Variants in ENOX2 observed in about 807,000 individuals in gnomAD.
ENOX2 encodes ecto-NOX disulfide-thiol exchanger 2.
A neutral mutation model predicts 45.0 loss-of-function variants in ENOX2; 36 were observed. The observed-to-expected ratio is 0.80, with a 90% CI of 0.61 to 1.06. ENOX2 has a LOEUF of 1.06. Among genes scored for constraint, ENOX2 ranks in the 50% least tolerant of loss-of-function variants. ENOX2 has a pLI of 0.00. For synonymous variants in ENOX2, 174 were observed against 152.3 expected (o/e 1.14, Z -1.05); for missense variants, 423 against 462.5 (o/e 0.91, Z 0.78).
At chrX:130,772,948 A>C (rs1287467171) in intron 3 of ENOX2, among the ~76,000 whole-genome samples, 2 of 112,325 alleles carry the variant, frequency 1.8e-5, no homozygotes, top group Admixed American at 1.9e-4. Flanking sequence ...TTATTTACTG[A>C]GTGTTCACTA....
intron 2 of ENOX2, among the ~76,000 whole-genome samples, chrX:130,827,467 C>G (rs1035259151): frequency 9.0e-6 from 1 of 111,348 alleles, no homozygotes; most frequent in Non-Finnish European, 1.9e-5. Flanking sequence ...GCTAGGTACT[C>G]TACTATGCTC....
chrX:130,633,770 C>T (rs2035852879), intron 12 of ENOX2, among the ~76,000 whole-genome samples: 1 of 112,387 alleles, frequency 8.9e-6, no homozygotes, highest in Non-Finnish European at 1.9e-5. Context: ...GATACATAAT[C>T]CATTTTATGC....
At chrX:130,652,594 T>C (rs772957989) in intron 10 of ENOX2, among the ~76,000 whole-genome samples, 1 of 112,466 alleles carries the variant, frequency 8.9e-6, no homozygotes, top group East Asian at 2.8e-4. Flanking sequence ...TCTACTGTTA[T>C]GGTTTGAATT....
intron 3 of ENOX2, among the ~76,000 whole-genome samples, chrX:130,710,250 G>C (rs1009472828): frequency 8.9e-6 from 1 of 111,876 alleles, no homozygotes; most frequent in Non-Finnish European, 1.9e-5. Flanking sequence ...GCTTGCAGTA[G>C]AGCCGAGATT....
chrX:130,726,467 A>C (rs2038608900), intron 3 of ENOX2, among the ~76,000 whole-genome samples: 1 of 112,359 alleles, frequency 8.9e-6, no homozygotes, highest in Admixed American at 9.4e-5. Context: ...AAGTTGCATC[A>C]GTTTCAAATA....
At chrX:130,814,313 G>A (rs956717575) in intron 2 of ENOX2, among the ~76,000 whole-genome samples, 6 of 112,305 alleles carry the variant, frequency 5.3e-5, no homozygotes, top group African/African-American at 9.7e-5. Flanking sequence ...AGCTATGGGC[G>A]CAGCTTCAGC....
intron 10 of ENOX2, among the ~76,000 whole-genome samples, chrX:130,639,920 C>T (rs2036033435): frequency 8.9e-6 from 1 of 111,958 alleles, no homozygotes. Flanking sequence ...ACTGCTATAA[C>T]CAAATACCAC....
At chrX:130,708,581 T>A (rs2038100257) in intron 3 of ENOX2, among the ~76,000 whole-genome samples, 1 of 112,363 alleles carries the variant, frequency 8.9e-6, no homozygotes, top group African/African-American at 3.2e-5. Context: ...TACATTATAT[T>A]TTTCTGATCT....
intron 2 of ENOX2, among the ~76,000 whole-genome samples, chrX:130,828,942 T>G (rs2077769671): frequency 8.9e-6 from 1 of 111,848 alleles, no homozygotes; most frequent in African/African-American, 3.3e-5. Context: ...TAACCCACTA[T>G]CACTGGCATG....
intron 5 of ENOX2, among the ~76,000 whole-genome samples, chrX:130,688,413 C>A (rs190740531): frequency 3.9e-4 from 44 of 111,887 alleles, no homozygotes; most frequent in African/African-American, 1.4e-3. Context: ...TATATTACAA[C>A]CCATCGGTTG....
chrX:130,787,726 C>T (rs2076989509), intron 2 of ENOX2, among the ~76,000 whole-genome samples: 1 of 111,777 alleles, frequency 8.9e-6, no homozygotes, highest in African/African-American at 3.3e-5. Flanking sequence ...AGATTTTTGG[C>T]ACCAAATTAA....
chrX:130,789,400 C>T (rs1240924393), intron 2 of ENOX2, among the ~76,000 whole-genome samples: 1 of 111,809 alleles, frequency 8.9e-6, no homozygotes, highest in Non-Finnish European at 1.9e-5. Context: ...AATGATTGCC[C>T]CAGGTTGTAA....
At chrX:130,782,945 T>C (rs780045277) in intron 3 of ENOX2, among the ~76,000 whole-genome samples, 1 of 111,481 alleles carries the variant, frequency 9.0e-6, no homozygotes, top group South Asian at 3.8e-4. Flanking sequence ...TGGGCTGTTA[T>C]AGAGGGTTTA....
Position 130,670,017 on chromosome X carries a change from T to C in ENOX2, c.642A>G (p.Pro214=). ...ATTCATGATCTGAATAGTGGACCAC[T>C]GGGGGTGGAGATGGTGGACGCAATC... is the stretch of plus-strand genomic sequence containing the variant. ...EERLRPPSPP[P]VVHYSDHECS... is the part of the protein sequence containing the mutation. The change falls in exon 7 of 15, where the codon CCA becomes CCG. Residue 214 remains proline, a synonymous_variant. Transcript: ENST00000394363. 3.3e-6 allele frequency: 4 copies of C among 1,211,300 alleles called. No individual in the cohort carries two copies. Among genetic ancestry groups the C allele is most frequent in the Non-Finnish European group, 4.5e-6 (4 of 894,847 alleles).
intron 12 of ENOX2, among the ~76,000 whole-genome samples, 186 bp from the exon 13 acceptor site, chrX:130,631,762 A>G (rs1203519583): frequency 1.8e-5 from 2 of 111,239 alleles, no homozygotes; most frequent in Admixed American, 9.5e-5. Flanking sequence ...GTTTATTTAT[A>G]GGGCTCCAAA....
chrX:130,742,943 G>C (rs1394183908), intron 3 of ENOX2, among the ~76,000 whole-genome samples: 1 of 112,411 alleles, frequency 8.9e-6, no homozygotes, highest in Non-Finnish European at 1.9e-5. Flanking sequence ...ATGGATTCAA[G>C]AGAGCTGACT....
intron 3 of ENOX2, among the ~76,000 whole-genome samples, chrX:130,748,170 G>C (rs1246092969): frequency 8.9e-6 from 1 of 112,072 alleles, no homozygotes; most frequent in Non-Finnish European, 1.9e-5. Context: ...CCATAACTCT[G>C]TCATGTCACT....
chrX:130,835,644 C>A (rs189506602), intron 2 of ENOX2, among the ~76,000 whole-genome samples: 358 of 110,931 alleles, frequency 3.2e-3, no homozygotes, highest in African/African-American at 0.011. Context: ...GTCCCGAGGC[C>A]TGGGTTTGTA....
chrX:130,761,852 C>T (rs964979458), intron 3 of ENOX2, among the ~76,000 whole-genome samples: 4 of 111,697 alleles, frequency 3.6e-5, no homozygotes, highest in African/African-American at 1.3e-4. Flanking sequence ...CTGGGGATTA[C>T]ATTTCAACAC....
Sources: allele counts gnomAD v4.1 joint callset (sites outside exome capture counted in the v4.1 genomes callset), GRCh38; gene constraint gnomAD v4.1.1; transcripts MANE v1.5; gene names NCBI Gene and HGNC (gene_info 2026-07-23, HGNC 2026-07-21).